PPP2R2B: variants seen among roughly 807,000 people sequenced by gnomAD.
PPP2R2B encodes the protein serine/threonine-protein phosphatase 2A 55 kDa regulatory subunit B beta isoform.
PPP2R2B carries 5 observed loss-of-function variants against 46.0 expected under a neutral mutation model. That is an observed-to-expected ratio of 0.11 (90% CI 0.06 to 0.23). PPP2R2B has a LOEUF of 0.23. Among genes scored for constraint, PPP2R2B ranks in the 10% least tolerant of loss-of-function variants. The pLI is 1.00. For missense variants in PPP2R2B, 367 were observed against 575.0 expected (o/e 0.64, Z 3.70); for synonymous variants, 215 against 206.7 (o/e 1.04, Z -0.34).
chr5:146,790,319 A>G (rs757197741), intron 2 of PPP2R2B, among the ~76,000 whole-genome samples: 14 of 152,208 alleles, frequency 9.2e-5, no homozygotes, highest in Non-Finnish European at 1.6e-4. Context: ...GAAAATCATA[A>G]CAACCACCCC....
chr5:146,807,289 C>T (rs1269361642), intron 2 of PPP2R2B, among the ~76,000 whole-genome samples: 1 of 152,166 alleles, frequency 6.6e-6, no homozygotes, highest in African/African-American at 2.4e-5. Context: ...GCATAACTTG[C>T]TATTCATGGC....
chr5:146,787,252 C>T (rs1755896431), intron 2 of PPP2R2B, among the ~76,000 whole-genome samples: 1 of 152,168 alleles, frequency 6.6e-6, no homozygotes, highest in South Asian at 2.1e-4. Context: ...AATACTCCTA[C>T]ATGATCTACA....
At chr5:146,958,487 C>T (rs554710893) in intron 1 of PPP2R2B, among the ~76,000 whole-genome samples, 4 of 152,154 alleles carry the variant, frequency 2.6e-5, no homozygotes, top group East Asian at 1.9e-4. Context: ...ACTTTATTAC[C>T]GTCACTACCA....
chr5:146,824,062 T>C (rs1279036746), intron 2 of PPP2R2B, among the ~76,000 whole-genome samples: 1 of 152,226 alleles, frequency 6.6e-6, no homozygotes, highest in African/African-American at 2.4e-5. Flanking sequence ...TCTTCACTTA[T>C]AAGCAGCTAA....
chr5:146,851,283 A>T (rs1760332989), intron 2 of PPP2R2B, among the ~76,000 whole-genome samples: 1 of 152,142 alleles, frequency 6.6e-6, no homozygotes, highest in Non-Finnish European at 1.5e-5. Context: ...TCAACATTTA[A>T]CAAATATTTA....
chr5:146,779,640 G>A (rs1248544033), intron 2 of PPP2R2B, among the ~76,000 whole-genome samples: 2 of 152,226 alleles, frequency 1.3e-5, no homozygotes, highest in East Asian at 1.9e-4. Context: ...GTTCCTTGCT[G>A]TTCTCTGCAA....
At chr5:146,791,355 T>G (rs996217264) in intron 2 of PPP2R2B, among the ~76,000 whole-genome samples, 4 of 152,188 alleles carry the variant, frequency 2.6e-5, no homozygotes, top group African/African-American at 7.2e-5. Flanking sequence ...CTTTTTCTAT[T>G]AAGAAAATAT....
At chr5:146,790,459 T>TGGCAC (rs1263227309) in intron 2 of PPP2R2B, among the ~76,000 whole-genome samples, 1 of 152,176 alleles carries the variant, frequency 6.6e-6, no homozygotes, top group Non-Finnish European at 1.5e-5. Flanking sequence ...GCTGGGGGGT[T>TGGCAC]GGCACGGGTG....
chr5:146,601,759 A>C (rs1581687887), intron 7 of PPP2R2B, among the ~76,000 whole-genome samples: 1 of 152,232 alleles, frequency 6.6e-6, no homozygotes, highest in South Asian at 2.1e-4. Context: ...TGTTACATAG[A>C]TATATTGCAT....
chr5:146,906,195 C>G (rs1276443907), intron 1 of PPP2R2B, among the ~76,000 whole-genome samples: 1 of 151,654 alleles, frequency 6.6e-6, no homozygotes, highest in Non-Finnish European at 1.5e-5. Flanking sequence ...TAAAGTAGCT[C>G]CTTAATATAT....
chr5:146,681,178 T>A (rs1222686522), intron 5 of PPP2R2B, among the ~76,000 whole-genome samples: 1 of 152,224 alleles, frequency 6.6e-6, no homozygotes, highest in South Asian at 2.1e-4. Flanking sequence ...AAAATCCTAA[T>A]GCATAATGAG....
At chr5:146,691,081 G>A (rs375269322) in intron 5 of PPP2R2B, 47 bp downstream of exon 5, 1 of 1,553,880 alleles carries the variant, frequency 6.4e-7, no homozygotes, top group African/African-American at 1.4e-5. Context: ...CCAACCTTAG[G>A]AGACCTGCCC....
chr5:146,591,180 T>TCTGA (rs1483370372), intron 9 of PPP2R2B, among the ~76,000 whole-genome samples: 1 of 152,118 alleles, frequency 6.6e-6, no homozygotes, highest in Non-Finnish European at 1.5e-5. Flanking sequence ...TGGGTGGAGC[T>TCTGA]CTGACTGGCT....
chr5:146,637,504 C>T (rs1210149303), intron 7 of PPP2R2B, among the ~76,000 whole-genome samples: 1 of 152,202 alleles, frequency 6.6e-6, no homozygotes, highest in Non-Finnish European at 1.5e-5. Flanking sequence ...TAACCTGTCT[C>T]CTTGTTTCTT....
intron 1 of PPP2R2B, among the ~76,000 whole-genome samples, chr5:147,012,830 G>T (rs181096747): frequency 1.3e-5 from 2 of 151,728 alleles, no homozygotes; most frequent in Admixed American, 1.3e-4. Context: ...CCTTCATTTC[G>T]TTATGTACCC....
chr5:146,787,512 C>T (rs161037), intron 2 of PPP2R2B, among the ~76,000 whole-genome samples: 85,618 of 151,816 alleles, frequency 0.56, 26,208 homozygotes, highest in Non-Finnish European at 0.68. Flanking sequence ...CTTTTCTCTT[C>T]TCTCCTCTCC....
chr5:146,648,056 T>C lies in PPP2R2B; in HGVS notation c.625+2491A>G, dbSNP rs144578666. On this transcript the variant is annotated intron_variant, in intron 6 of 9. Coordinates refer to ENST00000394411, the MANE Select transcript of PPP2R2B (RefSeq NM_181675.4). ...CCATGGTGGAGACTAGCTAGCTGTG[T>C]ACCAAAACCGGGTCTTTTTATCCTG... 1.5e-3 allele frequency among the ~76,000 whole-genome samples: 226 copies of C among 152,326 alleles called. 1 individual carries two copies. Among genetic ancestry groups the C allele is most frequent in the African/African-American group, 5.2e-3 (217 of 41,572 alleles).
intron 2 of PPP2R2B, among the ~76,000 whole-genome samples, chr5:146,745,164 G>C (rs1034568858): frequency 1.2e-4 from 7 of 59,392 alleles, no homozygotes; most frequent in East Asian, 3.2e-4. Flanking sequence ...GAAAGACAGA[G>C]AGAGAGAGAG....
intron 2 of PPP2R2B, among the ~76,000 whole-genome samples, chr5:146,742,463 T>C (rs1752935988): frequency 6.6e-6 from 1 of 152,210 alleles, no homozygotes; most frequent in South Asian, 2.1e-4. Flanking sequence ...ATATGGTGGC[T>C]ATGTCCAACA....
Sources: gnomAD v4.1 joint callset for allele counts (sites outside exome capture counted in the v4.1 genomes callset) on GRCh38, gnomAD v4.1.1 for gene constraint, MANE v1.5 for transcripts, NCBI Gene and HGNC (gene_info 2026-07-23, HGNC 2026-07-21) for gene names.